The following LARP1 variants were observed in gnomAD, a reference collection of about 807,000 sequenced individuals.
The protein encoded by LARP1 is La ribonucleoprotein 1, translational regulator.
LARP1 carries 36 observed loss-of-function variants against 122.7 expected under a neutral mutation model. That is an observed-to-expected ratio of 0.29 (90% confidence interval 0.22 to 0.39). LARP1 has a LOEUF of 0.39. Among genes scored for constraint, LARP1 ranks in the 10% least tolerant of loss-of-function variants. The probability of loss-of-function intolerance (pLI) is 1.00; values close to 1 mark genes in which losing one functional copy is unlikely to be tolerated. For synonymous variants in LARP1, 539 were observed against 528.7 expected (o/e 1.02, Z -0.27); for missense variants, 1,040 against 1,403.6 (o/e 0.74, Z 4.14).
Position 154,768,576 on chromosome 5 carries a change from TTTTATTTA to T in LARP1, c.436+12399_436+12406del, listed in dbSNP as rs201388323. 8.3e-4 allele frequency among the ~76,000 whole-genome samples: 127 copies of T among 152,116 alleles called. 3 individuals carry two copies. The highest frequency in any genetic ancestry group is 6.8e-3 in the Middle Eastern group (2 of 294). Reference sequence around the variant, plus strand: ...TGTACCCTATTTTTTATTTATTTATTTTTATTTATTTATTTATTTATTTGAGACGAAGT... The same window carrying T: ...TGTACCCTATTTTTTATTTATTTATTTTTATTTATTTATTTGAGACGAAGT... On this transcript the variant is annotated intron_variant, in intron 1 of 18. Transcript: ENST00000518297.
chr5:154,765,904 A>G (rs772462520), intron 1 of LARP1, among the ~76,000 whole-genome samples: 1 of 152,254 alleles, frequency 6.6e-6, no homozygotes, highest in Non-Finnish European at 1.5e-5. Context: ...ACTGCAGTGC[A>G]TAATAAAAAG....
chr5:154,727,423 T>C (rs1216689919), intron 1 of LARP1, among the ~76,000 whole-genome samples: 1 of 152,138 alleles, frequency 6.6e-6, no homozygotes, highest in East Asian at 1.9e-4. Context: ...TTTAAAGTCA[T>C]AAATGAAAAT....
chr5:154,796,053 A>G (rs1195644740), intron 8 of LARP1, among the ~76,000 whole-genome samples: 1 of 116,750 alleles, frequency 8.6e-6, no homozygotes, highest in East Asian at 2.1e-4. Context: ...ATATATTTAT[A>G]TATTATATAT....
chr5:154,803,507 C>T lies in LARP1; in HGVS notation c.2234-33C>T, dbSNP rs1758508856. The T allele has an allele frequency of 6.2e-7, 1 of 1,614,056 alleles. No individual in the cohort carries two copies. Among genetic ancestry groups the T allele is most frequent in the Non-Finnish European group, 8.5e-7 (1 of 1,179,988 alleles). ...CTGGGGTGGATGCCACAGGCCTTTC[C>T]CTGCTTCCTGACTCCTCTCTCTGCC... is the stretch of plus-strand genomic sequence containing the variant. On this transcript the variant is annotated intron_variant, in intron 12 of 18. Transcript: ENST00000518297. The surrounding 1 kb of genome is among the most constrained non-coding windows in gnomAD (Gnocchi z 4.4).
rs1487053377 is a variant in LARP1 at position 154,816,003 on chromosome 5, A to C, written c.*1907A>C. 2 of 152,282 alleles carry C rather than the reference A, an allele frequency of 1.3e-5. No homozygotes were observed. The highest frequency in any genetic ancestry group is 2.9e-5 in the Non-Finnish European group (2 of 68,030). The allele number at this position is 152,282 out of a possible 1,614,324, so 9.4% of individuals were successfully genotyped here. ...TCCTCTGTTGGGCCCAAAGGTTGGG[A>C]GTAGGAGACAGTATCCCAGGCTGAC... On this transcript the variant is annotated 3_prime_UTR_variant, in exon 19 of 19. Coordinates refer to ENST00000518297, the MANE Select transcript of LARP1 (RefSeq NM_033551.3).
intron 8 of LARP1, among the ~76,000 whole-genome samples, chr5:154,795,703 TAAAAG>T (rs987962633): frequency 6.6e-6 from 1 of 150,500 alleles, no homozygotes; most frequent in African/African-American, 2.4e-5. Flanking sequence ...ATAGACTTGT[TAAAAG>T]AAAATAGCCA....
At chr5:154,765,566 T>A (rs7727176) in intron 1 of LARP1, among the ~76,000 whole-genome samples, 12,033 of 152,112 alleles carry the variant, frequency 0.079, 1,038 homozygotes, top group African/African-American at 0.22. Context: ...GCCAGTTTTT[T>A]AATTTTTTGT....
At chr5:154,702,709 C>T (rs945996475) in intron 1 of LARP1, among the ~76,000 whole-genome samples, 1 of 152,110 alleles carries the variant, frequency 6.6e-6, no homozygotes, top group African/African-American at 2.4e-5. Context: ...TTTACACATC[C>T]ACTTATTTGT....
chr5:154,786,833 C>CA (rs1756925267), intron 1 of LARP1: 1 of 171,682 alleles, frequency 5.8e-6, no homozygotes, highest in African/African-American at 2.4e-5. Context: ...TCCCTGTCTA[C>CA]AAGTTGAGTG....
intron 1 of LARP1, among the ~76,000 whole-genome samples, chr5:154,774,782 A>G (rs773611581): frequency 1.5e-4 from 23 of 152,142 alleles, no homozygotes; most frequent in Non-Finnish European, 2.2e-4. Context: ...GCAGGTCAGA[A>G]TCTAAAAGGG....
Position 154,756,187 on chromosome 5 carries a change from C to T in LARP1, c.430C>T (p.Pro144Ser). The change falls in exon 1 of 19, where the codon CCC becomes TCC. Residue 144 changes from proline to serine, a missense_variant. Pro to Ser is a moderately conservative substitution (Grantham distance 74). This residue lies in a region of LARP1 where 257 missense variants were observed against 273.3 expected (regional missense o/e 0.94). Coordinates refer to ENST00000518297, the MANE Select transcript of LARP1 (RefSeq NM_033551.3). ...CCTGACCACCGTGAACGGACAGTCC[C>T]CCCCAGGTGGGTCTCCCTCCTTGCC... Reference protein sequence around the residue: ...PVLTTVNGQSPPEHSAPAKVV... With the variant: ...PVLTTVNGQSSPEHSAPAKVV... The T allele has an allele frequency of 7.7e-7, 1 of 1,298,938 alleles. No homozygotes were observed. Among genetic ancestry groups the T allele is most frequent in the Non-Finnish European group, 1.0e-6 (1 of 990,344 alleles). The allele number at this position is 1,298,938 out of a possible 1,614,324, so 80.5% of individuals were successfully genotyped here. A position where few individuals can be genotyped will look rare whatever the true frequency, so the allele number is the denominator to read the frequency against.
In LARP1 at chr5:154,685,901, A is replaced by G. The variant is rs762785807; in HGVS notation, c.-180+2864A>G. The stretch of plus-strand genomic sequence containing the variant: ...CTGTACAGCCCTAAGTGGGAGCCCT[A>G]CTGCTAATGCTTCCCCAAGCTACCT... On this transcript the variant is annotated intron_variant, in intron 1 of 18. Coordinates refer to the LARP1 transcript ENST00000687700. The G allele has an allele frequency of 2.0e-5, 10 of 488,720 alleles. No homozygotes were observed. In the East Asian group the frequency reaches 6.0e-4, roughly 29 times the overall value. 30.3% of individuals were successfully genotyped at this position (488,720 alleles called of 1,614,324 possible).
At chr5:154,739,679 G>A (rs985440541) in intron 1 of LARP1, among the ~76,000 whole-genome samples, 4 of 152,066 alleles carry the variant, frequency 2.6e-5, no homozygotes, top group African/African-American at 9.7e-5. Flanking sequence ...AATTACAGGC[G>A]TGAGCCACCA....
chr5:154,730,978 C>G (rs1417125081), intron 1 of LARP1, among the ~76,000 whole-genome samples: 3 of 150,810 alleles, frequency 2.0e-5, no homozygotes, highest in African/African-American at 7.3e-5. Flanking sequence ...AAGCATACCA[C>G]CACACCTGGC....
chr5:154,799,464 A>G (rs1758164425), intron 8 of LARP1, 127 bp from the exon 9 acceptor site: 2 of 928,704 alleles, frequency 2.2e-6, no homozygotes, highest in Non-Finnish European at 3.3e-6. Context: ...GATGGTGTCA[A>G]TTTTCTTATA....
intron 1 of LARP1, among the ~76,000 whole-genome samples, chr5:154,787,354 C>T (rs570358232): frequency 1.7e-4 from 26 of 152,274 alleles, no homozygotes; most frequent in Non-Finnish European, 2.9e-4. Flanking sequence ...TTTGCATTGG[C>T]GGCCATTACA....
At chr5:154,722,767 G>A (rs891229008) in intron 1 of LARP1, among the ~76,000 whole-genome samples, 2 of 145,306 alleles carry the variant, frequency 1.4e-5, no homozygotes, top group African/African-American at 5.1e-5. Flanking sequence ...TGCAACATCT[G>A]CCTCCCAGAT....
rs370021084 is a variant in LARP1, at chr5:154,765,670, A to G, written c.436+9477A>G. 1.6e-4 allele frequency among the ~76,000 whole-genome samples: 25 copies of G among 152,310 alleles called. 1 individual carries two copies. The highest frequency in any genetic ancestry group is 6.0e-4 in the African/African-American group (25 of 41,564). On this transcript the variant is annotated intron_variant, in intron 1 of 18. Transcript: ENST00000518297. ...CGGTTTCCCAAAGTGCCAGGATTACAAGCATGAGCCACGGCACCTGGCTAT... is the reference window on the plus strand; with the variant it reads ...CGGTTTCCCAAAGTGCCAGGATTACGAGCATGAGCCACGGCACCTGGCTAT...
At position 154,690,959 on chromosome 5, in the gene LARP1, C is replaced by A. The variant is rs372807110; in HGVS notation, c.-180+7922C>A. 2.2e-3 allele frequency among the ~76,000 whole-genome samples: 342 copies of A among 152,298 alleles called. 4 individuals carry two copies. Among genetic ancestry groups the A allele is most frequent in the African/African-American group, 7.8e-3 (324 of 41,578 alleles). ...TCTTCTTTGATTCTGAAATAAATTG[C>A]ATCAAGAAAGAGTATCAGGGCTGGG... On this transcript the variant is annotated intron_variant, in intron 1 of 18. Transcript: ENST00000687700.
Sources: allele counts gnomAD v4.1 joint callset (sites outside exome capture counted in the v4.1 genomes callset), GRCh38; gene constraint gnomAD v4.1.1; regional missense constraint gnomAD v4.1.1; non-coding constraint Gnocchi (gnomAD v3.1); transcripts MANE v1.5; gene names NCBI Gene and HGNC (gene_info 2026-07-23, HGNC 2026-07-21).